NTNG1: variants seen among roughly 807,000 people sequenced by gnomAD.
NTNG1 encodes the protein netrin-G1.
A neutral mutation model predicts 54.0 loss-of-function variants in NTNG1; 16 were observed. The ratio of observed to expected loss-of-function variants is 0.30; its 90% CI spans 0.20 to 0.45. NTNG1 has a LOEUF of 0.45. Ranked by LOEUF, NTNG1 falls within the 20% of genes least tolerant of loss-of-function variation. The probability of loss-of-function intolerance (pLI) is 1.00; values close to 1 mark genes in which losing one functional copy is unlikely to be tolerated. For synonymous variants in NTNG1, 255 were observed against 263.1 expected, an observed-to-expected ratio of 0.97 and a Z score of 0.30; for missense variants, 530 against 678.7, an observed-to-expected ratio of 0.78 and a Z score of 2.43.
chr1:107,208,365 G>T (rs1169631689), intron 2 of NTNG1, among the ~76,000 whole-genome samples: 2 of 151,356 alleles, frequency 1.3e-5, no homozygotes, highest in South Asian at 4.2e-4. Flanking sequence ...GGAAGGCGGA[G>T]GTTGCAGTGA....
chr1:107,217,201 A>G (rs887050918), intron 2 of NTNG1, among the ~76,000 whole-genome samples: 7 of 152,086 alleles, frequency 4.6e-5, no homozygotes, highest in East Asian at 1.9e-4. Context: ...GAATTTATCC[A>G]TCTCCTCTAG....
At position 107,292,575 on chromosome 1, in the gene NTNG1, C is replaced by T. The variant is rs371745575; in HGVS notation, c.247-31707C>T. Among the ~76,000 whole-genome samples the T allele has an allele frequency of 5.3e-5, 8 of 152,282 alleles. No individual in the cohort carries two copies. The South Asian group carries it at 6.2e-4, about 12-fold the overall frequency. On this transcript the variant is annotated intron_variant, in intron 2 of 7. Coordinates refer to ENST00000370068, the MANE Select transcript of NTNG1 (RefSeq NM_001113226.3). ...AAGCATCTGAAGCTGGTGATCAACACTTTCCCAATAAGATCTCGGGAGATG... is the reference window on the plus strand; with the variant it reads ...AAGCATCTGAAGCTGGTGATCAACATTTTCCCAATAAGATCTCGGGAGATG...
At chr1:107,427,466 G>C (rs1331748861) in intron 5 of NTNG1, among the ~76,000 whole-genome samples, 1 of 152,084 alleles carries the variant, frequency 6.6e-6, no homozygotes, top group African/African-American at 2.4e-5. Flanking sequence ...TTCTGTGCCT[G>C]TGTGGAAAGA....
In NTNG1 at chr1:107,403,343, T is replaced by C. The variant is rs866838110; in HGVS notation, c.1061-4339T>C. ...ACTCAACACGTATGTATTTCTGTGG[T>C]TGAAGTGACATTTCTGTTCTAGAAG... is the stretch of plus-strand genomic sequence containing the variant. On this transcript the variant is annotated intron_variant, in intron 4 of 7. Coordinates refer to ENST00000370068, the MANE Select transcript of NTNG1 (RefSeq NM_001113226.3). Among the ~76,000 whole-genome samples, 8 of 152,270 alleles carry C rather than the reference T, an allele frequency of 5.3e-5. No homozygotes were observed. The South Asian group carries it at 1.0e-3, about 20-fold the overall frequency.
intron 2 of NTNG1, among the ~76,000 whole-genome samples, chr1:107,231,852 T>C (rs1348534538): frequency 6.6e-6 from 1 of 151,848 alleles, no homozygotes; most frequent in African/African-American, 2.4e-5. Flanking sequence ...ATGGCTACAA[T>C]AGAAGAAATA....
chr1:107,332,737 T>A (rs978481488), intron 3 of NTNG1, among the ~76,000 whole-genome samples: 2 of 152,104 alleles, frequency 1.3e-5, no homozygotes, highest in African/African-American at 4.8e-5. Context: ...GTAATTTGAT[T>A]GTGTGGATTG....
At chr1:107,342,425 C>T (rs773371917) in intron 3 of NTNG1, among the ~76,000 whole-genome samples, 10 of 152,024 alleles carry the variant, frequency 6.6e-5, no homozygotes, top group Non-Finnish European at 1.5e-4. Flanking sequence ...TAAAGGAGGG[C>T]TCTGTACATT....
At chr1:107,325,907 G>T (rs987665697) in intron 3 of NTNG1, among the ~76,000 whole-genome samples, 4 of 152,004 alleles carry the variant, frequency 2.6e-5, no homozygotes, top group African/African-American at 9.7e-5. Context: ...TATCATGTAG[G>T]TTTCATTATT....
Position 107,204,144 on chromosome 1 carries a change from T to TC in NTNG1, c.246+55310dup, listed in dbSNP as rs1658989516. Reference sequence around the variant, plus strand: ...TTTCTGTTTTGTTTTGTTTTGTTTTTCCCCCTCTGGAATACATTTATTTCC... The same window carrying TC: ...TTTCTGTTTTGTTTTGTTTTGTTTTTCCCCCCTCTGGAATACATTTATTTCC... On this transcript the variant is annotated intron_variant, in intron 2 of 7. Transcript: ENST00000370068. 5.3e-5 allele frequency among the ~76,000 whole-genome samples: 8 copies of TC among 152,172 alleles called. No homozygotes were observed. The South Asian group carries it at 1.7e-3, about 32-fold the overall frequency.
chr1:107,418,387 G>A (rs2101219833), intron 5 of NTNG1, among the ~76,000 whole-genome samples: 1 of 152,134 alleles, frequency 6.6e-6, no homozygotes. Flanking sequence ...TATATTTAAT[G>A]TCCATTCAAT....
At chr1:107,183,637 A>G (rs1657234377) in intron 2 of NTNG1, among the ~76,000 whole-genome samples, 1 of 152,112 alleles carries the variant, frequency 6.6e-6, no homozygotes, top group South Asian at 2.1e-4. Flanking sequence ...TAATGTCACA[A>G]TGGGCTTATA....
intron 2 of NTNG1, among the ~76,000 whole-genome samples, chr1:107,294,519 C>G (rs76908327): frequency 0.011 from 1,690 of 152,272 alleles, 33 homozygotes; most frequent in African/African-American, 0.038. Context: ...TGCCCCTCCA[C>G]TACTAAACCT....
At chr1:107,255,167 C>T (rs773965601) in intron 2 of NTNG1, among the ~76,000 whole-genome samples, 12 of 152,060 alleles carry the variant, frequency 7.9e-5, no homozygotes, top group Non-Finnish European at 1.5e-4. Context: ...TAAAAGTTGC[C>T]TCATGTTTTA....
intron 2 of NTNG1, among the ~76,000 whole-genome samples, chr1:107,280,358 C>A (rs1664768435): frequency 6.6e-6 from 1 of 151,622 alleles, no homozygotes; most frequent in Admixed American, 6.6e-5. Flanking sequence ...TTATTAACCT[C>A]TTCTCTCATA....
chr1:107,218,055 A>G (rs1209961062), intron 2 of NTNG1, among the ~76,000 whole-genome samples: 1 of 152,070 alleles, frequency 6.6e-6, no homozygotes, highest in Non-Finnish European at 1.5e-5. Context: ...GAAGTCCCAC[A>G]CTATTATTGT....
At chr1:107,165,289 C>T (rs1008246907) in intron 2 of NTNG1, among the ~76,000 whole-genome samples, 5 of 152,134 alleles carry the variant, frequency 3.3e-5, no homozygotes, top group Admixed American at 1.3e-4. Context: ...TACTGACATA[C>T]GGATTCTTTG....
intron 2 of NTNG1, among the ~76,000 whole-genome samples, chr1:107,270,317 A>G (rs1032999588): frequency 1.3e-5 from 2 of 152,172 alleles, no homozygotes; most frequent in African/African-American, 2.4e-5. Flanking sequence ...GTAGACTGCC[A>G]TGGTTGGCTT....
chr1:107,371,500 G>A lies in NTNG1; in HGVS notation c.888-23654G>A, dbSNP rs546398606. Among the ~76,000 whole-genome samples, 14 of 152,024 alleles carry A rather than the reference G, an allele frequency of 9.2e-5. 1 individual carries two copies. The East Asian group carries it at 1.9e-3, about 21-fold the overall frequency. ...TTATGCCTTTAAACTTGACAACTTA[G>A]ATAAAATAGACAAGATTTTTTGAAA... is the stretch of plus-strand genomic sequence containing the variant. On this transcript the variant is annotated intron_variant, in intron 3 of 7. Transcript: ENST00000370068.
chr1:107,222,251 A>G (rs903248014), intron 2 of NTNG1, among the ~76,000 whole-genome samples: 5 of 152,094 alleles, frequency 3.3e-5, no homozygotes, highest in Admixed American at 3.3e-4. Flanking sequence ...CTTGCCGCCT[A>G]ACTACTGCAG....
Sources: gnomAD v4.1 joint callset for allele counts (sites outside exome capture counted in the v4.1 genomes callset) on GRCh38, gnomAD v4.1.1 for gene constraint, MANE v1.5 for transcripts, NCBI Gene and HGNC (gene_info 2026-07-23, HGNC 2026-07-21) for gene names.